The following GDF11 variants were observed in gnomAD, a reference collection of about 807,000 sequenced individuals.
GDF11 encodes the protein growth/differentiation factor 11.
In GDF11, 12 loss-of-function variants were observed where a neutral mutation model predicts 34.4. The ratio of observed to expected loss-of-function variants is 0.35; its 90% confidence interval spans 0.22 to 0.57. GDF11 has a LOEUF of 0.57. Among genes scored for constraint, GDF11 ranks in the 20% least tolerant of loss-of-function variants. The probability of loss-of-function intolerance (pLI) is 0.86; values close to 1 mark genes in which losing one functional copy is unlikely to be tolerated. For missense variants in GDF11, 346 were observed against 548.2 expected, an observed-to-expected ratio of 0.63 and a Z score of 3.68; for synonymous variants, 212 against 231.1, an observed-to-expected ratio of 0.92 and a Z score of 0.75.
Position 55,755,783 on chromosome 12 carries a change from G to A in GDF11, c.*5901G>A, listed in dbSNP as rs1176924857. ...CAGCTGCTGAAATGGGATGAAAGAG[G>A]TTAATAAGAAAAAAAAAAAAATCCT... On this transcript the variant is annotated 3_prime_UTR_variant, in exon 3 of 3. Coordinates refer to ENST00000257868, the MANE Select transcript of GDF11 (RefSeq NM_005811.5). 2.3e-5 allele frequency: 3 copies of A among 129,924 alleles called. No homozygotes were observed. Among genetic ancestry groups the A allele is most frequent in the East Asian group, 3.9e-4 (2 of 5,066 alleles). 8.0% of individuals were successfully genotyped at this position (129,924 alleles called of 1,614,324 possible). A position where few individuals can be genotyped will look rare whatever the true frequency, so the allele number is the denominator to read the frequency against.
intron 1 of GDF11, among the ~76,000 whole-genome samples, chr12:55,745,714 C>G (rs889979496): frequency 4.0e-5 from 6 of 151,714 alleles, no homozygotes; most frequent in African/African-American, 1.5e-4. Context: ...GAGATGGCCT[C>G]CGTTCCCCTC....
chr12:55,755,675 T>C lies in GDF11; in HGVS notation c.*5793T>C, dbSNP rs1248307182. The C allele has an allele frequency of 6.6e-6, 1 of 151,792 alleles. No individual in the cohort carries two copies. Among genetic ancestry groups the C allele is most frequent in the Non-Finnish European group, 1.5e-5 (1 of 67,988 alleles). 9.4% of individuals were successfully genotyped at this position (151,792 alleles called of 1,614,324 possible). On this transcript the variant is annotated 3_prime_UTR_variant, in exon 3 of 3. Coordinates refer to ENST00000257868, the MANE Select transcript of GDF11 (RefSeq NM_005811.5). ...TCCTGAACTATTCATGCTCAAAGAG[T>C]ATGTGGAGAATGACTATAATGAGAT...
chr12:55,749,366 T>C lies in GDF11; in HGVS notation c.844-136T>C. On this transcript the variant is annotated intron_variant, in intron 2 of 2. Coordinates refer to ENST00000257868, the MANE Select transcript of GDF11 (RefSeq NM_005811.5). This position sits in a 1 kb window ranked among gnomAD's most constrained non-coding sequence, Gnocchi z 5.6. ...CAAGAAAAGTGGGCAAAAGATAAAT[T>C]CTGGGGGTGGGAGCAATGGAAAAGC... 1 of 934,108 alleles carries C rather than the reference T, an allele frequency of 1.1e-6. No homozygotes were observed. Among genetic ancestry groups the C allele is most frequent in the Non-Finnish European group, 1.6e-6 (1 of 627,938 alleles). 57.9% of individuals were successfully genotyped at this position (934,108 alleles called of 1,614,324 possible).
rs1024862338 is a variant in GDF11, at chr12:55,750,603, T to A, written c.*721T>A. 9.2e-5 allele frequency: 14 copies of A among 152,262 alleles called. 1 individual carries two copies. In the East Asian group the frequency reaches 9.6e-4, roughly 10 times the overall value. The allele number at this position is 152,262 out of a possible 1,614,324, so 9.4% of individuals were successfully genotyped here. A position where few individuals can be genotyped will look rare whatever the true frequency, so the allele number is the denominator to read the frequency against. ...CTCACTTAAGCACTTGTATAAAGCCTCCAGGGTTGGGAATGGGAGTAAAGG... is the reference window on the plus strand; with the variant it reads ...CTCACTTAAGCACTTGTATAAAGCCACCAGGGTTGGGAATGGGAGTAAAGG... On this transcript the variant is annotated 3_prime_UTR_variant, in exon 3 of 3. Coordinates refer to ENST00000257868, the MANE Select transcript of GDF11 (RefSeq NM_005811.5).
chr12:55,748,669 A>T lies in GDF11; in HGVS notation c.529A>T (p.Lys177Ter). The part of the protein sequence containing the change: ...SPKVMFTKVL[K>*]AQLWVYLRPV... ...CAAGGTGATGTTCACAAAGGTACTG[A>T]AGGCCCAGCTGTGGGTGTACCTACG... is the stretch of plus-strand genomic sequence containing the variant. Residue 177 changes from lysine (K) to a stop codon, truncating the protein, a stop_gained, in exon 2 of 3, where the codon AAG becomes TAG. Transcript: ENST00000257868. LOFTEE classifies it high-confidence loss of function. This position sits in a 1 kb window ranked among gnomAD's most constrained non-coding sequence, Gnocchi z 5.6. The T allele has an allele frequency of 6.2e-7, 1 of 1,614,232 alleles. No homozygotes were observed.
rs1464170490 is a variant in GDF11 at position 55,751,677 on chromosome 12, T to TC, written c.*1797dup. On this transcript the variant is annotated 3_prime_UTR_variant, in exon 3 of 3. Coordinates refer to ENST00000257868, the MANE Select transcript of GDF11 (RefSeq NM_005811.5). Reference sequence around the variant, plus strand: ...AGCCAAGGAGTTGAGAATCTCCTGATCCACACCCTATCCTTACTTCACCAC... The same window carrying TC: ...AGCCAAGGAGTTGAGAATCTCCTGATCCCACACCCTATCCTTACTTCACCAC... 6.6e-6 allele frequency: 1 copy of TC among 152,156 alleles called. No individual in the cohort carries two copies. The highest frequency in any genetic ancestry group is 2.4e-5 in the African/African-American group (1 of 41,406). 9.4% of individuals were successfully genotyped at this position (152,156 alleles called of 1,614,324 possible).
At chr12:55,745,368 T>C (rs1386158573) in intron 1 of GDF11, among the ~76,000 whole-genome samples, 2 of 151,916 alleles carry the variant, frequency 1.3e-5, no homozygotes, top group Admixed American at 6.5e-5. Context: ...GCTCTGGTAA[T>C]GGGGATACAC....
intron 1 of GDF11, 84 bp downstream of exon 1, chr12:55,743,845 T>C: frequency 2.7e-6 from 3 of 1,114,980 alleles, no homozygotes; most frequent in Non-Finnish European, 3.7e-6. Flanking sequence ...GGGCGCTCCC[T>C]GCTGCCCCGG....
rs1322800064 is a variant in GDF11 at position 55,753,874 on chromosome 12, AG to A, written c.*3995del. 3 of 151,688 alleles carry A rather than the reference AG, an allele frequency of 2.0e-5. No homozygotes were observed. The highest frequency in any genetic ancestry group is 7.3e-5 in the African/African-American group (3 of 41,248). The allele number at this position is 151,688 out of a possible 1,614,324, so 9.4% of individuals were successfully genotyped here. The stretch of plus-strand genomic sequence containing the variant: ...TGGCAGGAGGACCACTTGAGGCCAG[AG>A]GGTCAAGGCTGCAGTGTGCTATAAT... On this transcript the variant is annotated 3_prime_UTR_variant, in exon 3 of 3. Coordinates refer to ENST00000257868, the MANE Select transcript of GDF11 (RefSeq NM_005811.5).
rs1565667069 is a variant in GDF11 at position 55,752,383 on chromosome 12, G to GT, written c.*2501_*2502insT. On this transcript the variant is annotated 3_prime_UTR_variant, in exon 3 of 3. Coordinates refer to ENST00000257868, the MANE Select transcript of GDF11 (RefSeq NM_005811.5). ...ACCTTTGTGTGTGTGTGGTGGGTGG[G>GT]GGGGGGGCAGGGGTCTTTCTCTTAT... 2.1e-5 allele frequency: 3 copies of GT among 145,528 alleles called. No individual in the cohort carries two copies. The highest frequency in any genetic ancestry group is 2.0e-4 in the East Asian group (1 of 4,894). The allele number at this position is 145,528 out of a possible 1,614,324, so 9.0% of individuals were successfully genotyped here.
Position 55,746,171 on chromosome 12 carries a change from G to T in GDF11, c.445+2410G>T, listed in dbSNP as rs75178345. Among the ~76,000 whole-genome samples the T allele has an allele frequency of 3.2e-3, 480 of 152,270 alleles. 2 individuals are homozygous for T. Among genetic ancestry groups the T allele is most frequent in the African/African-American group, 0.011 (443 of 41,534 alleles). On this transcript the variant is annotated intron_variant, in intron 1 of 2. Coordinates refer to ENST00000257868, the MANE Select transcript of GDF11 (RefSeq NM_005811.5). Reference sequence around the variant, plus strand: ...CTCCCCATCAGAGCTCGGCATATGTGTGCTGGGTACTCTCTCGAGCCCCGT... The same window carrying T: ...CTCCCCATCAGAGCTCGGCATATGTTTGCTGGGTACTCTCTCGAGCCCCGT...
In GDF11 at chr12:55,752,672, G is replaced by C. The variant is rs1878362186; in HGVS notation, c.*2790G>C. On this transcript the variant is annotated 3_prime_UTR_variant, in exon 3 of 3. Coordinates refer to ENST00000257868, the MANE Select transcript of GDF11 (RefSeq NM_005811.5). The stretch of plus-strand genomic sequence containing the variant: ...TCTGAGGAGTATGGAGCTGACAGGG[G>C]CATTGGAATGCCAGGAAAGAACTTC... 1 of 152,160 alleles carries C rather than the reference G, an allele frequency of 6.6e-6. No individual in the cohort carries two copies. Among genetic ancestry groups the C allele is most frequent in the Non-Finnish European group, 1.5e-5 (1 of 68,032 alleles). 9.4% of individuals were successfully genotyped at this position (152,160 alleles called of 1,614,324 possible). A position where few individuals can be genotyped will look rare whatever the true frequency, so the allele number is the denominator to read the frequency against.
chr12:55,749,959 A>G lies in GDF11; in HGVS notation c.*77A>G, dbSNP rs1592545734. 1 of 1,256,958 alleles carries G rather than the reference A, an allele frequency of 8.0e-7. No individual in the cohort carries two copies. Among genetic ancestry groups the G allele is most frequent in the East Asian group, 2.3e-5 (1 of 42,794 alleles). 77.9% of individuals were successfully genotyped at this position (1,256,958 alleles called of 1,614,324 possible). On this transcript the variant is annotated 3_prime_UTR_variant, in exon 3 of 3. Coordinates refer to ENST00000257868, the MANE Select transcript of GDF11 (RefSeq NM_005811.5). This position sits in a 1 kb window ranked among gnomAD's most constrained non-coding sequence, Gnocchi z 5.6. ...CCCTGCCCCCATCCCCCCAAGCCCT[A>G]GAGCTCCCTCCACTCTTCCCGCGAA...
In GDF11 at chr12:55,743,430, GGCA is replaced by G; in HGVS notation, c.117_119del (p.Ala41del). On this transcript the variant is annotated inframe_deletion, in exon 1 of 3. Transcript: ENST00000257868. Reference sequence around the variant, plus strand: ...CGGCGGCGGCGGCGGCGGCGGCGGCGGCAGCGGCGGGGGTCGGGGGGGAGCGCT... The same window carrying G: ...CGGCGGCGGCGGCGGCGGCGGCGGCGGCGGCGGGGGTCGGGGGGGAGCGCT... The G allele has an allele frequency of 3.6e-6, 4 of 1,115,322 alleles. No individual in the cohort carries two copies. Among genetic ancestry groups the G allele is most frequent in the East Asian group, 4.7e-5 (1 of 21,452 alleles). 69.1% of individuals were successfully genotyped at this position (1,115,322 alleles called of 1,614,324 possible).
Position 55,756,708 on chromosome 12 carries a change from T to C in GDF11, c.*6826T>C, listed in dbSNP as rs1878515703. ...CCAGTTCCACTGCTTATGTTCCCAATGATTTAGCTAACAATGCGTAACAGC... is the reference window on the plus strand; with the variant it reads ...CCAGTTCCACTGCTTATGTTCCCAACGATTTAGCTAACAATGCGTAACAGC... On this transcript the variant is annotated 3_prime_UTR_variant, in exon 3 of 3. Coordinates refer to ENST00000257868, the MANE Select transcript of GDF11 (RefSeq NM_005811.5). 6.6e-6 allele frequency: 1 copy of C among 152,238 alleles called. No individual in the cohort carries two copies. The highest frequency in any genetic ancestry group is 1.5e-5 in the Non-Finnish European group (1 of 68,028). 9.4% of individuals were successfully genotyped at this position (152,238 alleles called of 1,614,324 possible).
rs1878527267 is a variant in GDF11, at chr12:55,757,051, T to G, written c.*7169T>G. ...GCTGCTGGAGCAAAGACTTGGTGGGTGGGTAACTTAACCTCTTCACAGAGG... is the reference window on the plus strand; with the variant it reads ...GCTGCTGGAGCAAAGACTTGGTGGGGGGGTAACTTAACCTCTTCACAGAGG... On this transcript the variant is annotated 3_prime_UTR_variant, in exon 3 of 3. Coordinates refer to ENST00000257868, the MANE Select transcript of GDF11 (RefSeq NM_005811.5). The G allele has an allele frequency of 6.6e-6, 1 of 152,468 alleles. No homozygotes were observed. 9.4% of individuals were successfully genotyped at this position (152,468 alleles called of 1,614,324 possible).
Position 55,755,669 on chromosome 12 carries a change from A to G in GDF11, c.*5787A>G, listed in dbSNP as rs1322537227. On this transcript the variant is annotated 3_prime_UTR_variant, in exon 3 of 3. Coordinates refer to ENST00000257868, the MANE Select transcript of GDF11 (RefSeq NM_005811.5). ...AAGGCATCCTGAACTATTCATGCTC[A>G]AAGAGTATGTGGAGAATGACTATAA... 2.0e-5 allele frequency: 3 copies of G among 152,236 alleles called. No homozygotes were observed. Among genetic ancestry groups the G allele is most frequent in the Non-Finnish European group, 2.9e-5 (2 of 68,056 alleles). The allele number at this position is 152,236 out of a possible 1,614,324, so 9.4% of individuals were successfully genotyped here.
chr12:55,751,287 G>C lies in GDF11; in HGVS notation c.*1405G>C, dbSNP rs998562094. 1.3e-5 allele frequency: 2 copies of C among 152,310 alleles called. No homozygotes were observed. The highest frequency in any genetic ancestry group is 2.4e-5 in the African/African-American group (1 of 41,440). 9.4% of individuals were successfully genotyped at this position (152,310 alleles called of 1,614,324 possible). ...GAAAAGCATCTGACAAGGCCAGTTA[G>C]AACAGAGGATGGGAAGGATGGAGAC... On this transcript the variant is annotated 3_prime_UTR_variant, in exon 3 of 3. Coordinates refer to ENST00000257868, the MANE Select transcript of GDF11 (RefSeq NM_005811.5).
In GDF11 at chr12:55,748,764, C is replaced by T. The variant is rs757779697; in HGVS notation, c.624C>T (p.Thr208=). 22 of 1,614,218 alleles carry T rather than the reference C, an allele frequency of 1.4e-5. No individual in the cohort carries two copies. The highest frequency in any genetic ancestry group is 2.2e-5 in the East Asian group (1 of 44,888). The change falls in exon 2 of 3, where the codon ACC becomes ACT. Residue 208 remains threonine (T), a synonymous_variant. Coordinates refer to ENST00000257868, the MANE Select transcript of GDF11 (RefSeq NM_005811.5). This position sits in a 1 kb window ranked among gnomAD's most constrained non-coding sequence, Gnocchi z 5.6. ...TAAAACCCCTAACTGGGGAAGGGACCGCAGGGGGAGGGGGCGGAGGCCGGC... is the reference window on the plus strand; with the variant it reads ...TAAAACCCCTAACTGGGGAAGGGACTGCAGGGGGAGGGGGCGGAGGCCGGC... ...LRLKPLTGEG[T]AGGGGGGRRH...
Sources: allele counts gnomAD v4.1 joint callset (sites outside exome capture counted in the v4.1 genomes callset), GRCh38; gene constraint gnomAD v4.1.1; non-coding constraint Gnocchi (gnomAD v3.1); transcripts MANE v1.5; gene names NCBI Gene and HGNC (gene_info 2026-07-23, HGNC 2026-07-21).